Variants in ANK1 observed in about 807,000 individuals in gnomAD.
The protein encoded by ANK1 is ankyrin-1.
Under a neutral mutation model 210.4 loss-of-function variants are expected in ANK1, and 51 were observed. The ratio of observed to expected loss-of-function variants is 0.24; its 90% confidence interval spans 0.19 to 0.31. The LOEUF (loss-of-function observed/expected upper bound fraction) is 0.31, where lower values mean the gene tolerates loss of function less well. Among genes scored for constraint, ANK1 ranks in the 10% least tolerant of loss-of-function variants. ANK1 has a pLI of 1.00. For missense variants in ANK1, 2,051 were observed against 2,504.4 expected (o/e 0.82, Z 3.86); for synonymous variants, 967 against 1,025.9 (o/e 0.94, Z 1.10).
rs56138651 is a variant in ANK1 at position 41,663,114 on chromosome 8, C to CTGTGTG, written c.5478+539_5478+544dup. 2.7e-3 allele frequency among the ~76,000 whole-genome samples: 390 copies of CTGTGTG among 145,226 alleles called. 1 individual carries two copies. The highest frequency in any genetic ancestry group is 5.6e-3 in the African/African-American group (218 of 38,828). The stretch of plus-strand genomic sequence containing the variant: ...TGTGTGTGTGTCTCTCTCTCTCTCT[C>CTGTGTG]TGTGTGTGTGTGTGTGTGTGTGTGT... On this transcript the variant is annotated intron_variant, in intron 40 of 42. Coordinates refer to ENST00000289734, the MANE Select transcript of ANK1 (RefSeq NM_000037.4).
chr8:41,679,312 T>C (rs1024988615), intron 37 of ANK1, among the ~76,000 whole-genome samples: 7 of 152,184 alleles, frequency 4.6e-5, no homozygotes, highest in African/African-American at 1.7e-4. Context: ...AGTAGTTTGA[T>C]CCTTTTGCAT....
chr8:41,772,928 C>G (rs1460704500), intron 1 of ANK1, among the ~76,000 whole-genome samples: 1 of 152,118 alleles, frequency 6.6e-6, no homozygotes, highest in Non-Finnish European at 1.5e-5. Context: ...ACCCAGCCAG[C>G]GACCACCCTG....
intron 1 of ANK1, chr8:41,789,299 T>A (rs936976275): frequency 6.6e-6 from 1 of 152,268 alleles, no homozygotes; most frequent in South Asian, 2.1e-4. Context: ...GAGAAGAACC[T>A]GTGATTTCAA....
chr8:41,879,189 G>C (rs1260745172), intron 1 of ANK1, among the ~76,000 whole-genome samples: 1 of 152,198 alleles, frequency 6.6e-6, no homozygotes. Flanking sequence ...TGCCTCTAGA[G>C]AGCCGTGACC....
At chr8:41,673,987 C>T (rs1325472163) in intron 37 of ANK1, among the ~76,000 whole-genome samples, 3 of 152,182 alleles carry the variant, frequency 2.0e-5, no homozygotes, top group Admixed American at 1.3e-4. Context: ...TCCAGACACC[C>T]CCAGCCTAGA....
At position 41,654,154 on chromosome 8, in the gene ANK1, T is replaced by C. The variant is rs576583172; in HGVS notation, c.*1636A>G. The C allele has an allele frequency of 2.3e-4, 35 of 152,566 alleles. No individual in the cohort carries two copies. Among genetic ancestry groups the C allele is most frequent in the African/African-American group, 7.9e-4 (33 of 41,532 alleles). 9.5% of individuals were successfully genotyped at this position (152,566 alleles called of 1,614,324 possible). On this transcript the variant is annotated 3_prime_UTR_variant, in exon 43 of 43. Coordinates refer to ENST00000289734, the MANE Select transcript of ANK1 (RefSeq NM_000037.4). ...GAGAGGAGCCAGCCCTGTCTCTCTC[T>C]CCTGGCCCTGGGGGCGCCCGCCGCG...
At chr8:41,793,740 A>T (rs1163693927) in intron 1 of ANK1, among the ~76,000 whole-genome samples, 2 of 152,240 alleles carry the variant, frequency 1.3e-5, no homozygotes, top group African/African-American at 4.8e-5. Flanking sequence ...GAAGACCATG[A>T]AGGATCTTCT....
At position 41,659,904 on chromosome 8, in the gene ANK1, C is replaced by T. The variant is rs1401942522; in HGVS notation, c.*36+1526G>A. 2.6e-5 allele frequency among the ~76,000 whole-genome samples: 4 copies of T among 152,270 alleles called. No individual in the cohort carries two copies. The East Asian group carries it at 5.8e-4, about 22-fold the overall frequency. ...GAAATTCAAGGCTCCCTCCTTCCCC[C>T]TAGCCTGGCTTTCGGGCTGCCTCTC... On this transcript the variant is annotated intron_variant, in intron 42 of 42. Coordinates refer to ENST00000289734, the MANE Select transcript of ANK1 (RefSeq NM_000037.4).
intron 24 of ANK1, chr8:41,697,691 G>C: frequency 2.6e-6 from 1 of 380,960 alleles, no homozygotes; most frequent in South Asian, 2.1e-5. Flanking sequence ...GTGCACAGCA[G>C]GAATCCAGTA....
chr8:41,671,435 T>C (rs1343320994), intron 38 of ANK1, among the ~76,000 whole-genome samples: 1 of 152,112 alleles, frequency 6.6e-6, no homozygotes, highest in Non-Finnish European at 1.5e-5. Flanking sequence ...GAACGCCAGC[T>C]CCAGCAGCAG....
intron 1 of ANK1, among the ~76,000 whole-genome samples, chr8:41,858,956 A>G (rs554631012): frequency 6.6e-6 from 1 of 152,338 alleles, no homozygotes; most frequent in African/African-American, 2.4e-5. Context: ...GGCTGCAAGG[A>G]GGGAGGCCAG....
intron 1 of ANK1, among the ~76,000 whole-genome samples, chr8:41,884,706 G>A (rs1818158093): frequency 6.6e-6 from 1 of 152,092 alleles, no homozygotes; most frequent in Non-Finnish European, 1.5e-5. Context: ...GGTGGTGCGT[G>A]TCTGTAGTCC....
intron 1 of ANK1, among the ~76,000 whole-genome samples, chr8:41,763,398 C>T (rs1276176859): frequency 6.6e-6 from 1 of 152,008 alleles, no homozygotes; most frequent in African/African-American, 2.4e-5. Context: ...TTATAACAAC[C>T]TGTGGGTAGG....
intron 2 of ANK1, among the ~76,000 whole-genome samples, chr8:41,748,829 A>C (rs557640527): frequency 6.6e-6 from 1 of 152,160 alleles, no homozygotes; most frequent in African/African-American, 2.4e-5. Flanking sequence ...AGGTCAGGAG[A>C]TCAAGACCAT....
At chr8:41,892,610 T>C (rs950754091) in intron 1 of ANK1, among the ~76,000 whole-genome samples, 3 of 152,122 alleles carry the variant, frequency 2.0e-5, no homozygotes, top group Non-Finnish European at 4.4e-5. Context: ...CACCAAAAGA[T>C]TAGATGGTTC....
chr8:41,841,504 A>C (rs2150805102), intron 1 of ANK1, among the ~76,000 whole-genome samples: 1 of 152,322 alleles, frequency 6.6e-6, no homozygotes, highest in African/African-American at 2.4e-5. Flanking sequence ...CAAGCACTGA[A>C]GCATTTGTTG....
intron 5 of ANK1, among the ~76,000 whole-genome samples, chr8:41,726,883 T>G (rs1000319935): frequency 8.5e-5 from 13 of 152,218 alleles, no homozygotes; most frequent in South Asian, 4.1e-4. Context: ...CTAATGAGAC[T>G]TGTCCAAGGG....
intron 1 of ANK1, among the ~76,000 whole-genome samples, chr8:41,858,631 G>A (rs1812665760): frequency 6.6e-6 from 1 of 152,210 alleles, no homozygotes; most frequent in African/African-American, 2.4e-5. Flanking sequence ...GCCTAGCTCA[G>A]GCACCAGGTA....
intron 1 of ANK1, among the ~76,000 whole-genome samples, chr8:41,882,245 G>C (rs10089800): frequency 0.067 from 10,227 of 152,144 alleles, 1,165 homozygotes; most frequent in African/African-American, 0.23. Flanking sequence ...TGAGCTCCAT[G>C]TAACACCACG....
Sources: gnomAD v4.1 joint callset for allele counts (sites outside exome capture counted in the v4.1 genomes callset) on GRCh38, gnomAD v4.1.1 for gene constraint, MANE v1.5 for transcripts, NCBI Gene and HGNC (gene_info 2026-07-23, HGNC 2026-07-21) for gene names.